Variants in SLC18A2 observed in about 807,000 individuals in gnomAD.
SLC18A2 encodes synaptic vesicular amine transporter.
In SLC18A2, 33 loss-of-function variants were observed where a neutral mutation model predicts 59.2. The observed-to-expected ratio is 0.56, with a 90% CI of 0.42 to 0.75. The LOEUF (loss-of-function observed/expected upper bound fraction) is 0.75. Among genes scored for constraint, SLC18A2 ranks in the 30% least tolerant of loss-of-function variants. The pLI is 0.00. For missense variants in SLC18A2, 569 were observed against 668.6 expected (o/e 0.85, Z 1.64); for synonymous variants, 228 against 253.5 (o/e 0.90, Z 0.95).
intron 10 of SLC18A2, among the ~76,000 whole-genome samples, chr10:117,260,228 G>T (rs1209935259): frequency 1.3e-5 from 2 of 152,184 alleles, no homozygotes; most frequent in Non-Finnish European, 2.9e-5. Context: ...TCCTGCCAGG[G>T]TGAAGGCTGG....
At chr10:117,253,966 G>C (rs1052041277) in intron 4 of SLC18A2, 82 bp from the exon 5 acceptor site, 4 of 1,262,352 alleles carry the variant, frequency 3.2e-6, no homozygotes, top group African/African-American at 2.9e-5. Context: ...CTGGGTTAAG[G>C]GGGGCTTCTG....
chr10:117,266,775 C>G lies in SLC18A2; in HGVS notation c.1034C>G (p.Thr345Ser). 6.2e-7 allele frequency: 1 copy of G among 1,613,948 alleles called. No homozygotes were observed. ...LPASISYLIG[T>S]NIFGILAHKM... ...GCTAGTATCTCTTATCTCATTGGAA[C>G]CAATATTTTTGGGATACTTGCACAC... The change falls in exon 11 of 16, where the codon ACC (threonine) becomes AGC (serine). Residue 345 changes from threonine to serine, a missense_variant. This residue lies in a region of SLC18A2 where 192 missense variants were observed against 278.8 expected (regional missense o/e 0.69). Transcript: ENST00000644641.
At position 117,269,132 on chromosome 10, in the gene SLC18A2, C is replaced by T. The variant is rs1436082684; in HGVS notation, c.1187-939C>T. ...ATACACGTAGATACACATACACATA[C>T]AAACACCCACCCACATACATATGCA... is the stretch of plus-strand genomic sequence containing the variant. On this transcript the variant is annotated intron_variant, in intron 13 of 15. Coordinates refer to ENST00000644641, the MANE Select transcript of SLC18A2 (RefSeq NM_003054.6). The surrounding 1 kb of genome is among the most constrained non-coding windows in gnomAD (Gnocchi z 5.1). 1.3e-5 allele frequency among the ~76,000 whole-genome samples: 2 copies of T among 148,516 alleles called. No individual in the cohort carries two copies. Among genetic ancestry groups the T allele is most frequent in the Non-Finnish European group, 3.0e-5 (2 of 67,140 alleles).
chr10:117,263,660 T>C (rs1844318427), intron 10 of SLC18A2, among the ~76,000 whole-genome samples: 1 of 152,192 alleles, frequency 6.6e-6, no homozygotes, highest in Non-Finnish European at 1.5e-5. Flanking sequence ...ATCTGAGTTC[T>C]AGGTCAGATG....
At position 117,242,108 on chromosome 10, in the gene SLC18A2, G is replaced by A. The variant is rs7894469; in HGVS notation, c.121+294G>A. On this transcript the variant is annotated intron_variant, in intron 2 of 15. Coordinates refer to ENST00000644641, the MANE Select transcript of SLC18A2 (RefSeq NM_003054.6). ...TCCTCTTGCCTGCTTTCACTGCGAT[G>A]AAAAAGATTTCTGTTCCAAAAGAGA... 7.5e-3 allele frequency among the ~76,000 whole-genome samples: 1,141 copies of A among 152,312 alleles called. 13 individuals are homozygous for A. Among genetic ancestry groups the A allele is most frequent in the African/African-American group, 0.026 (1,080 of 41,550 alleles).
At chr10:117,249,045 G>A (rs750656350) in intron 3 of SLC18A2, among the ~76,000 whole-genome samples, 1 of 152,176 alleles carries the variant, frequency 6.6e-6, no homozygotes, top group African/African-American at 2.4e-5. Context: ...AAATCTCTAC[G>A]AAATCTACCA....
intron 10 of SLC18A2, among the ~76,000 whole-genome samples, chr10:117,260,467 C>A (rs1162887564): frequency 1.4e-5 from 2 of 147,772 alleles, no homozygotes; most frequent in Non-Finnish European, 3.0e-5. Context: ...TTCTCCTCTC[C>A]CACTCTGTTT....
chr10:117,270,386 A>G lies in SLC18A2; in HGVS notation c.1363A>G (p.Ile455Val). The change falls in exon 15 of 16, where the codon ATT becomes GTT. Residue 455 changes from isoleucine to valine, a missense_variant. By Grantham distance (29) the Ile-to-Val change is conservative (BLOSUM62 3). Around this residue, in one of 2 missense-constraint regions of SLC18A2, gnomAD observed 192 missense variants for 278.8 expected, o/e 0.69. Coordinates refer to ENST00000644641, the MANE Select transcript of SLC18A2 (RefSeq NM_003054.6). ...AATTGGATTTCCATGGCTCATGACA[A>G]TTATTGGGATAATTGATATTCTTTT... Reference protein sequence around the residue: ...KAIGFPWLMTIIGIIDILFAP... With the variant: ...KAIGFPWLMTVIGIIDILFAP... 8.1e-6 allele frequency: 13 copies of G among 1,614,184 alleles called. No individual in the cohort carries two copies. Among genetic ancestry groups the G allele is most frequent in the Non-Finnish European group, 1.1e-5 (13 of 1,180,032 alleles).
intron 3 of SLC18A2, 52 bp from the exon 4 acceptor site, chr10:117,253,347 T>G (rs1324128800): frequency 7.3e-7 from 1 of 1,375,016 alleles, no homozygotes; most frequent in African/African-American, 1.4e-5. Context: ...ATATAAAGCC[T>G]TAAAAAAATA....
Position 117,254,500 on chromosome 10 carries a change from G to A in SLC18A2, c.700+3G>A. Reference sequence around the variant, plus strand: ...AGGCCTGGCCATGGGGGTCTTAGGTGGGTAAGGCCCCCGTGTAGGCAAACT... The same window carrying A: ...AGGCCTGGCCATGGGGGTCTTAGGTAGGTAAGGCCCCCGTGTAGGCAAACT... On this transcript the variant is annotated splice_donor_region_variant and intron_variant, in intron 6 of 15. Coordinates refer to ENST00000644641, the MANE Select transcript of SLC18A2 (RefSeq NM_003054.6). 3 of 1,596,132 alleles carry A rather than the reference G, an allele frequency of 1.9e-6. No homozygotes were observed. Among genetic ancestry groups the A allele is most frequent in the Non-Finnish European group, 2.6e-6 (3 of 1,170,480 alleles).
chr10:117,249,052 A>G (rs975605581), intron 3 of SLC18A2, among the ~76,000 whole-genome samples: 2 of 152,092 alleles, frequency 1.3e-5, no homozygotes, highest in Admixed American at 1.3e-4. Context: ...TACGAAATCT[A>G]CCATGGTTTT....
chr10:117,253,925 A>C, intron 4 of SLC18A2, 123 bp from the exon 5 acceptor site: 1 of 836,874 alleles, frequency 1.2e-6, no homozygotes, highest in East Asian at 2.4e-5. Flanking sequence ...ACGGAACAAA[A>C]GCACAGGGTG....
Position 117,257,226 on chromosome 10 carries a change from A to G in SLC18A2, c.896-571A>G, listed in dbSNP as rs363248. 3.0e-3 allele frequency among the ~76,000 whole-genome samples: 457 copies of G among 152,270 alleles called. 3 individuals are homozygous for G. The highest frequency in any genetic ancestry group is 0.011 in the African/African-American group (443 of 41,544). On this transcript the variant is annotated intron_variant, in intron 9 of 15. Coordinates refer to ENST00000644641, the MANE Select transcript of SLC18A2 (RefSeq NM_003054.6). ...TCTTTTTCCAGATAGTTCTATATTT[A>G]CAAAGGGTTCTGGTTAAGAGATCAT... is the stretch of plus-strand genomic sequence containing the variant.
intron 3 of SLC18A2, among the ~76,000 whole-genome samples, chr10:117,252,309 G>A (rs574478604): frequency 9.2e-5 from 14 of 152,048 alleles, no homozygotes; most frequent in Non-Finnish European, 1.6e-4. Context: ...TTAAAGCCTG[G>A]AATGGAAGAA....
At position 117,277,873 on chromosome 10, in the gene SLC18A2, T is replaced by C. The variant is rs1448240327; in HGVS notation, c.*607T>C. The C allele has an allele frequency of 2.0e-5, 3 of 152,270 alleles. No homozygotes were observed. The highest frequency in any genetic ancestry group is 2.9e-5 in the Non-Finnish European group (2 of 68,046). The allele number at this position is 152,270 out of a possible 1,614,324, so 9.4% of individuals were successfully genotyped here. The stretch of plus-strand genomic sequence containing the variant: ...TAAATCTTAGCTGGCATTAGTTTTC[T>C]ATGTAATCACCTACCTAGAGAGAGT... On this transcript the variant is annotated 3_prime_UTR_variant, in exon 16 of 16. Transcript: ENST00000644641.
chr10:117,273,370 T>C (rs1844448553), intron 15 of SLC18A2, among the ~76,000 whole-genome samples: 1 of 152,190 alleles, frequency 6.6e-6, no homozygotes, highest in Non-Finnish European at 1.5e-5. Context: ...AGAGCTGTGT[T>C]GCGGATTTTT....
rs1844399646 is a variant in SLC18A2 at position 117,269,523 on chromosome 10, TCCTGGCTCAGACTC to T, written c.1187-537_1187-524del. Reference sequence around the variant, plus strand: ...CATAAAGATGGTGTGTGTTCAGAGTTCCTGGCTCAGACTCCCTGGCTCAGTGAGTGTGGTCAAGC... The same window carrying T: ...CATAAAGATGGTGTGTGTTCAGAGTTCCTGGCTCAGTGAGTGTGGTCAAGC... On this transcript the variant is annotated intron_variant, in intron 13 of 15. Coordinates refer to ENST00000644641, the MANE Select transcript of SLC18A2 (RefSeq NM_003054.6). The surrounding 1 kb of genome is among the most constrained non-coding windows in gnomAD (Gnocchi z 5.1). 6.6e-6 allele frequency among the ~76,000 whole-genome samples: 1 copy of T among 152,176 alleles called. No individual in the cohort carries two copies. The highest frequency in any genetic ancestry group is 2.1e-4 in the South Asian group (1 of 4,826).
intron 15 of SLC18A2, among the ~76,000 whole-genome samples, chr10:117,274,029 A>G (rs1844456551): frequency 6.6e-6 from 1 of 152,064 alleles, no homozygotes; most frequent in South Asian, 2.1e-4. Context: ...GAGCAGATTT[A>G]ATTTACCTGC....
Position 117,263,063 on chromosome 10 carries a change from G to A in SLC18A2, c.992-3670G>A, listed in dbSNP as rs138082455. 3.9e-5 allele frequency among the ~76,000 whole-genome samples: 6 copies of A among 152,178 alleles called. No individual in the cohort carries two copies. In the East Asian group the frequency reaches 1.2e-3, roughly 29 times the overall value. ...CCGGCGCCAGACGTTCACTCAACCC[G>A]CTTGCTGCACATTTCCACCACCGAG... is the stretch of plus-strand genomic sequence containing the variant. On this transcript the variant is annotated intron_variant, in intron 10 of 15. Coordinates refer to ENST00000644641, the MANE Select transcript of SLC18A2 (RefSeq NM_003054.6).
Sources: gnomAD v4.1 joint callset for allele counts (sites outside exome capture counted in the v4.1 genomes callset) on GRCh38, gnomAD v4.1.1 for gene constraint, gnomAD v4.1.1 regional missense constraint, Gnocchi (gnomAD v3.1) non-coding constraint, MANE v1.5 for transcripts, NCBI Gene and HGNC (gene_info 2026-07-23, HGNC 2026-07-21) for gene names.